The following CSMD3 variants were observed in gnomAD, a reference collection of about 807,000 sequenced individuals.
The protein encoded by CSMD3 is CUB and Sushi multiple domains 3.
Under a neutral mutation model 435.2 loss-of-function variants are expected in CSMD3, and 177 were observed. The ratio of observed to expected loss-of-function variants is 0.41; its 90% CI spans 0.36 to 0.46. CSMD3 has a LOEUF of 0.46. Among genes scored for constraint, CSMD3 ranks in the 20% least tolerant of loss-of-function variants. The pLI is 0.34. For missense variants in CSMD3, 4,265 were observed against 4,504.6 expected, an observed-to-expected ratio of 0.95 and a Z score of 1.52; for synonymous variants, 1,656 against 1,520.5, an observed-to-expected ratio of 1.09 and a Z score of -2.07.
At position 112,779,421 on chromosome 8, in the gene CSMD3, G is replaced by A. The variant is rs190684880; in HGVS notation, c.1972+20741C>T. On this transcript the variant is annotated intron_variant, in intron 13 of 70. Transcript: ENST00000297405. ...TGCAAGTAGAGCTTTAAAAATAGTT[G>A]TACAATTAAAATTTTAGCCTATGAA... 7.2e-4 allele frequency among the ~76,000 whole-genome samples: 109 copies of A among 152,054 alleles called. 1 individual carries two copies. The East Asian group carries it at 0.02, about 27-fold the overall frequency.
chr8:112,612,975 T>C (rs1247103624), intron 22 of CSMD3, among the ~76,000 whole-genome samples: 1 of 151,892 alleles, frequency 6.6e-6, no homozygotes, highest in African/African-American at 2.4e-5. Flanking sequence ...AGATTCTTTT[T>C]TGCCCAGACT....
At chr8:113,251,539 A>G (rs2093335315) in intron 3 of CSMD3, among the ~76,000 whole-genome samples, 3 of 77,820 alleles carry the variant, frequency 3.9e-5, no homozygotes, top group Admixed American at 1.6e-4. Context: ...GTAATCACTA[A>G]AAGTAAAAAA....
At chr8:113,238,074 CAAAA>C (rs34316809) in intron 3 of CSMD3, among the ~76,000 whole-genome samples, 1 of 77,570 alleles carries the variant, frequency 1.3e-5, no homozygotes, top group Admixed American at 1.6e-4. Flanking sequence ...GACTCCATCT[CAAAA>C]AAAAAAAAAA....
At chr8:112,644,942 T>C (rs975651901) in intron 20 of CSMD3, among the ~76,000 whole-genome samples, 167 bp downstream of exon 20, 8 of 152,206 alleles carry the variant, frequency 5.3e-5, no homozygotes, top group African/African-American at 4.8e-5. Flanking sequence ...TATAGAAGAG[T>C]AAATATAATT....
chr8:113,264,341 A>C (rs2093450504), intron 3 of CSMD3, among the ~76,000 whole-genome samples: 1 of 151,392 alleles, frequency 6.6e-6, no homozygotes, highest in South Asian at 2.1e-4. Context: ...CTTCATTCTT[A>C]CATACTTATC....
intron 1 of CSMD3, among the ~76,000 whole-genome samples, chr8:113,383,194 C>A (rs1392917404): frequency 6.6e-6 from 1 of 151,782 alleles, no homozygotes; most frequent in African/African-American, 2.4e-5. Context: ...CTGTGTACTG[C>A]AAAAGAGTAG....
intron 13 of CSMD3, among the ~76,000 whole-genome samples, chr8:112,701,365 A>G (rs1028859706): frequency 2.0e-5 from 3 of 152,146 alleles, no homozygotes; most frequent in African/African-American, 7.2e-5. Context: ...GCCAGTCACC[A>G]TTATTTCCCA....
At chr8:113,167,971 A>G (rs2092186325) in intron 4 of CSMD3, among the ~76,000 whole-genome samples, 1 of 152,212 alleles carries the variant, frequency 6.6e-6, no homozygotes, top group Non-Finnish European at 1.5e-5. Context: ...AATAATATTT[A>G]AAATAATATG....
At chr8:112,448,968 T>C (rs1815955468) in intron 32 of CSMD3, among the ~76,000 whole-genome samples, 1 of 152,182 alleles carries the variant, frequency 6.6e-6, no homozygotes, top group Non-Finnish European at 1.5e-5. Context: ...AATCTATACA[T>C]GGAATGGATA....
intron 10 of CSMD3, among the ~76,000 whole-genome samples, chr8:112,863,261 T>G (rs1174662100): frequency 3.3e-5 from 5 of 151,992 alleles, no homozygotes; most frequent in Non-Finnish European, 7.4e-5. Context: ...AAGAAAGATT[T>G]TCTTCAAATC....
chr8:113,147,888 C>T (rs888499309), intron 4 of CSMD3, among the ~76,000 whole-genome samples: 1 of 151,692 alleles, frequency 6.6e-6, no homozygotes, highest in Non-Finnish European at 1.5e-5. Flanking sequence ...ATTACCTCTC[C>T]CTCTGATCAC....
chr8:112,272,391 C>A (rs1156844945), intron 59 of CSMD3, among the ~76,000 whole-genome samples: 1 of 151,886 alleles, frequency 6.6e-6, no homozygotes, highest in Non-Finnish European at 1.5e-5. Context: ...AGTAACTGGC[C>A]TATAGTAACC....
At chr8:112,874,311 G>A (rs1450313054) in intron 10 of CSMD3, among the ~76,000 whole-genome samples, 1 of 152,074 alleles carries the variant, frequency 6.6e-6, no homozygotes, top group African/African-American at 2.4e-5. Context: ...CATTTGATGA[G>A]GAGTGTTTTA....
At chr8:112,441,776 C>G (rs193084027) in intron 32 of CSMD3, among the ~76,000 whole-genome samples, 11 of 152,254 alleles carry the variant, frequency 7.2e-5, no homozygotes, top group African/African-American at 2.6e-4. Context: ...GTCATGAGAA[C>G]TCACTATCCT....
In CSMD3 at chr8:112,902,957, T is replaced by C. The variant is rs143031674; in HGVS notation, c.1633+18670A>G. ...AAAGCTTTGTAAGGTAGTTTGGTCA[T>C]TGAATGAGACTATCTCCAGAAGGGA... On this transcript the variant is annotated intron_variant, in intron 10 of 70. Coordinates refer to ENST00000297405, the MANE Select transcript of CSMD3 (RefSeq NM_198123.2). Among the ~76,000 whole-genome samples, 415 of 151,300 alleles carry C rather than the reference T, an allele frequency of 2.7e-3. 6 individuals are homozygous for C. The highest frequency in any genetic ancestry group is 9.5e-3 in the African/African-American group (392 of 41,400).
intron 12 of CSMD3, among the ~76,000 whole-genome samples, chr8:112,807,742 G>A (rs2079126828): frequency 6.6e-6 from 1 of 152,124 alleles, no homozygotes; most frequent in Non-Finnish European, 1.5e-5. Context: ...CTATTTTGCT[G>A]ACAGAGCTGC....
At chr8:112,924,019 AG>A (rs2082829767) in intron 9 of CSMD3, among the ~76,000 whole-genome samples, 1 of 131,602 alleles carries the variant, frequency 7.6e-6, no homozygotes, top group African/African-American at 2.9e-5. Flanking sequence ...ATTGGAGCAC[AG>A]AAAATAAAGA....
At chr8:112,335,624 T>C (rs1421997205) in intron 44 of CSMD3, 150 bp from the exon 45 acceptor site, 6 of 716,126 alleles carry the variant, frequency 8.4e-6, no homozygotes, top group South Asian at 3.2e-5. Context: ...ACAAATTATA[T>C]ATTCTATATC....
chr8:113,412,685 G>T (rs2094564655), intron 1 of CSMD3, among the ~76,000 whole-genome samples: 1 of 151,978 alleles, frequency 6.6e-6, no homozygotes, highest in African/African-American at 2.4e-5. Flanking sequence ...TCATAATATT[G>T]TATCAATCTC....
Sources: gnomAD v4.1 joint callset for allele counts (sites outside exome capture counted in the v4.1 genomes callset) on GRCh38, gnomAD v4.1.1 for gene constraint, MANE v1.5 for transcripts, NCBI Gene and HGNC (gene_info 2026-07-23, HGNC 2026-07-21) for gene names.